The following KCNAB1 variants were observed in gnomAD, a reference collection of about 807,000 sequenced individuals.
KCNAB1 encodes voltage-gated potassium channel subunit beta-1.
A neutral mutation model predicts 64.6 loss-of-function variants in KCNAB1; 35 were observed. The observed-to-expected ratio is 0.54, with a 90% CI of 0.41 to 0.72. The LOEUF is 0.72. Among genes scored for constraint, KCNAB1 ranks in the 30% least tolerant of loss-of-function variants. The probability of loss-of-function intolerance (pLI) is 0.00; values close to 1 mark genes in which losing one functional copy is unlikely to be tolerated. For synonymous variants in KCNAB1, 177 were observed against 183.8 expected (o/e 0.96, Z 0.30); for missense variants, 401 against 512.9 (o/e 0.78, Z 2.11).
chr3:156,142,233 A>G (rs1033660483), intron 1 of KCNAB1, among the ~76,000 whole-genome samples: 1 of 152,220 alleles, frequency 6.6e-6, no homozygotes, highest in Admixed American at 6.5e-5. Context: ...GTGGTATTTC[A>G]TAGAGCAGAA....
Position 156,465,705 on chromosome 3 carries a change from A to G in KCNAB1, c.571+19A>G, listed in dbSNP as rs1713315068. 6.2e-7 allele frequency: 1 copy of G among 1,607,650 alleles called. No homozygotes were observed. The highest frequency in any genetic ancestry group is 1.1e-5 in the South Asian group (1 of 90,892). ...ATTGAAGGTGGGTACTTCTGCTTCA[A>G]TTTTATTTTTGGTTGTGGGCCCCTC... On this transcript the variant is annotated intron_variant, in intron 7 of 13. Transcript: ENST00000490337.
intron 1 of KCNAB1, among the ~76,000 whole-genome samples, chr3:156,307,971 G>A (rs780502570): frequency 2.6e-5 from 4 of 152,216 alleles, no homozygotes; most frequent in Non-Finnish European, 5.9e-5. Flanking sequence ...GAACGAAATA[G>A]CCTTGGCCTT....
chr3:156,169,271 A>G (rs1006093210), intron 1 of KCNAB1, among the ~76,000 whole-genome samples: 1 of 152,234 alleles, frequency 6.6e-6, no homozygotes, highest in African/African-American at 2.4e-5. Flanking sequence ...TACGGGGGTT[A>G]TTATGCTGAA....
At chr3:156,200,642 A>C (rs1001430470) in intron 1 of KCNAB1, among the ~76,000 whole-genome samples, 1 of 152,202 alleles carries the variant, frequency 6.6e-6, no homozygotes, top group South Asian at 2.1e-4. Context: ...AGCCTCAGTA[A>C]TGGCAGATGC....
At chr3:156,471,753 G>T (rs183954949) in intron 7 of KCNAB1, among the ~76,000 whole-genome samples, 4 of 152,244 alleles carry the variant, frequency 2.6e-5, no homozygotes, top group African/African-American at 9.6e-5. Context: ...AAACGTAAAT[G>T]GCTCTTAAGG....
intron 1 of KCNAB1, among the ~76,000 whole-genome samples, chr3:156,211,756 T>A (rs1202722671): frequency 1.3e-5 from 2 of 152,260 alleles, no homozygotes; most frequent in Non-Finnish European, 2.9e-5. Flanking sequence ...AGGAAATGAA[T>A]GACTCCAGGA....
At chr3:156,164,388 C>T (rs929696069) in intron 1 of KCNAB1, among the ~76,000 whole-genome samples, 3 of 152,172 alleles carry the variant, frequency 2.0e-5, no homozygotes, top group African/African-American at 7.2e-5. Flanking sequence ...GATCATTTTT[C>T]CATCAGTGTC....
intron 5 of KCNAB1, among the ~76,000 whole-genome samples, chr3:156,462,910 T>A (rs1713031282): frequency 6.6e-6 from 1 of 152,194 alleles, no homozygotes; most frequent in African/African-American, 2.4e-5. Context: ...ATGATCATAA[T>A]GCTAGGATTG....
intron 1 of KCNAB1, among the ~76,000 whole-genome samples, chr3:156,235,531 T>G (rs1716795469): frequency 6.6e-6 from 1 of 152,208 alleles, no homozygotes; most frequent in Admixed American, 6.5e-5. Context: ...GTTCAAGCCT[T>G]GAGGTTGGTG....
At chr3:156,382,581 A>G (rs2108150654) in intron 1 of KCNAB1, among the ~76,000 whole-genome samples, 1 of 152,228 alleles carries the variant, frequency 6.6e-6, no homozygotes, top group African/African-American at 2.4e-5. Flanking sequence ...GGTTGGTGCC[A>G]TTTACCGACT....
intron 2 of KCNAB1, among the ~76,000 whole-genome samples, chr3:156,438,742 G>A (rs558441024): frequency 8.5e-5 from 13 of 152,274 alleles, no homozygotes; most frequent in Non-Finnish European, 1.8e-4. Flanking sequence ...CTGACCGGGC[G>A]TGGTGGCTCA....
chr3:156,128,753 G>A (rs905282557), intron 1 of KCNAB1, among the ~76,000 whole-genome samples: 2 of 152,132 alleles, frequency 1.3e-5, no homozygotes, highest in African/African-American at 4.8e-5. Context: ...ATAATTTTGG[G>A]GGGCATGTGG....
In KCNAB1 at chr3:156,414,821, G is replaced by A. The variant is rs113308948; in HGVS notation, c.276-6795G>A. 1.7e-3 allele frequency among the ~76,000 whole-genome samples: 253 copies of A among 152,190 alleles called. 2 individuals are homozygous for A. Among genetic ancestry groups the A allele is most frequent in the African/African-American group, 5.8e-3 (242 of 41,508 alleles). ...TCTTATTTAAGGGCTAAGTAGACAT[G>A]AGTGGGCACTTCTCAAGCCCCACCT... is the stretch of plus-strand genomic sequence containing the variant. On this transcript the variant is annotated intron_variant, in intron 1 of 13. Transcript: ENST00000490337.
chr3:156,266,156 T>C (rs1313238597), intron 1 of KCNAB1, among the ~76,000 whole-genome samples: 1 of 152,112 alleles, frequency 6.6e-6, no homozygotes, highest in African/African-American at 2.4e-5. Flanking sequence ...CTCATTTTTT[T>C]CCCCATTGTT....
At chr3:156,510,059 A>G (rs942612266) in intron 8 of KCNAB1, among the ~76,000 whole-genome samples, 6 of 152,170 alleles carry the variant, frequency 3.9e-5, no homozygotes, top group Non-Finnish European at 7.4e-5. Context: ...TTCTCCTGCA[A>G]TTTCTCCCTG....
chr3:156,353,230 GCTTTCACTGATAC>G (rs1724970072), intron 1 of KCNAB1, among the ~76,000 whole-genome samples: 1 of 152,148 alleles, frequency 6.6e-6, no homozygotes, highest in Non-Finnish European at 1.5e-5. Flanking sequence ...GAGTCTTCAG[GCTTTCACTGATAC>G]CTACCTTTTC....
chr3:156,403,674 C>G (rs1367730599), intron 1 of KCNAB1, among the ~76,000 whole-genome samples: 1 of 152,102 alleles, frequency 6.6e-6, no homozygotes, highest in Admixed American at 6.5e-5. Flanking sequence ...GTGGGCAGAT[C>G]ATGAGGTCAG....
intron 1 of KCNAB1, among the ~76,000 whole-genome samples, chr3:156,305,393 G>A (rs1721429707): frequency 6.6e-6 from 1 of 152,160 alleles, no homozygotes; most frequent in African/African-American, 2.4e-5. Context: ...ATGGATGAAT[G>A]GATGCATGAG....
At chr3:156,221,568 A>G (rs1715739744) in intron 1 of KCNAB1, among the ~76,000 whole-genome samples, 1 of 152,136 alleles carries the variant, frequency 6.6e-6, no homozygotes, top group Non-Finnish European at 1.5e-5. Flanking sequence ...ACCTGAGGTC[A>G]GGAGTTTGAG....
Sources: allele counts gnomAD v4.1 joint callset (sites outside exome capture counted in the v4.1 genomes callset), GRCh38; gene constraint gnomAD v4.1.1; transcripts MANE v1.5; gene names NCBI Gene and HGNC (gene_info 2026-07-23, HGNC 2026-07-21).